The following PRDM16 variants were observed in gnomAD, a reference collection of about 807,000 sequenced individuals.
PRDM16 encodes the protein histone-lysine N-methyltransferase PRDM16.
PRDM16 carries 23 observed loss-of-function variants against 110.6 expected under a neutral mutation model. That is an observed-to-expected ratio of 0.21 (90% confidence interval 0.15 to 0.29). The LOEUF is 0.29. Among genes scored for constraint, PRDM16 ranks in the 10% least tolerant of loss-of-function variants. The pLI is 1.00. For missense variants in PRDM16, 1,615 were observed against 1,794.3 expected, an observed-to-expected ratio of 0.90 and a Z score of 1.81; for synonymous variants, 799 against 781.8, an observed-to-expected ratio of 1.02 and a Z score of -0.37.
intron 2 of PRDM16, among the ~76,000 whole-genome samples, chr1:3,237,739 C>A (rs974646782): frequency 6.6e-6 from 1 of 152,238 alleles, no homozygotes; most frequent in African/African-American, 2.4e-5. Context: ...CACTCACAGG[C>A]GGGGCTGCCA....
chr1:3,189,428 G>A (rs1014638101), intron 2 of PRDM16, among the ~76,000 whole-genome samples: 140 of 152,294 alleles, frequency 9.2e-4, no homozygotes, highest in African/African-American at 3.2e-3. Flanking sequence ...GTCAGGCCTG[G>A]GACAGAGAAA....
chr1:3,170,139 G>A, intron 1 of PRDM16, among the ~76,000 whole-genome samples: 1 of 152,250 alleles, frequency 6.6e-6, no homozygotes, highest in East Asian at 1.9e-4. Flanking sequence ...GCTGGGAAGG[G>A]TTAAGTTCTT....
At position 3,350,169 on chromosome 1, in the gene PRDM16, T is replaced by C. The variant is rs1294192245; in HGVS notation, c.439-34983T>C. On this transcript the variant is annotated intron_variant, in intron 3 of 16. Transcript: ENST00000270722. The surrounding 1 kb of genome is among the most constrained non-coding windows in gnomAD (Gnocchi z 7.1). The stretch of plus-strand genomic sequence containing the variant: ...AGCAAGACCCTATCTCTACAAAAAA[T>C]ACAAAAATTAGCCTGATGTGATGGC... 2.6e-5 allele frequency among the ~76,000 whole-genome samples: 4 copies of C among 152,030 alleles called. No homozygotes were observed. The highest frequency in any genetic ancestry group is 6.5e-5 in the Admixed American group (1 of 15,274).
intron 2 of PRDM16, among the ~76,000 whole-genome samples, chr1:3,195,125 G>A (rs1053488189): frequency 5.3e-5 from 8 of 152,308 alleles, no homozygotes; most frequent in East Asian, 3.9e-4. Flanking sequence ...GGAGAGAGAC[G>A]GGGCCCTGTG....
intron 3 of PRDM16, among the ~76,000 whole-genome samples, chr1:3,341,497 G>C (rs1642271340): frequency 6.6e-6 from 1 of 152,292 alleles, no homozygotes. Context: ...CGGCCAGCCT[G>C]GCTAGCGAGA....
At chr1:3,269,790 C>CCCGGAGGAGGACAG (rs1282869851) in intron 3 of PRDM16, among the ~76,000 whole-genome samples, 9 of 145,398 alleles carry the variant, frequency 6.2e-5, no homozygotes, top group African/African-American at 2.1e-4. Flanking sequence ...GGAGGAAAGT[C>CCCGGAGGAGGACAG]TCAGAGGAGG....
At chr1:3,342,044 G>A (rs971504318) in intron 3 of PRDM16, among the ~76,000 whole-genome samples, 5 of 152,308 alleles carry the variant, frequency 3.3e-5, no homozygotes, top group African/African-American at 1.2e-4. Context: ...CAGGTTGCTG[G>A]TGATCTTCCC....
At chr1:3,130,375 AAACACAACACCAGCCC>A (rs1335497308) in intron 1 of PRDM16, among the ~76,000 whole-genome samples, 2 of 152,142 alleles carry the variant, frequency 1.3e-5, no homozygotes, top group Non-Finnish European at 2.9e-5. Context: ...AACCCAAACC[AAACACAACACCAGCCC>A]TGGGGAGGCC....
In PRDM16 at chr1:3,106,089, C is replaced by G. The variant is rs568086174; in HGVS notation, c.37+36793C>G. Among the ~76,000 whole-genome samples, 4 of 150,246 alleles carry G rather than the reference C, an allele frequency of 2.7e-5. 1 individual carries two copies. Among genetic ancestry groups the G allele is most frequent in the South Asian group, 4.3e-4 (2 of 4,686 alleles). ...GGCAGGCTGGGGCCCGTCTCACCCT[C>G]GGCCTCAAAGGATGCCAGCCCAGCT... On this transcript the variant is annotated intron_variant, in intron 1 of 16. Coordinates refer to ENST00000270722, the MANE Select transcript of PRDM16 (RefSeq NM_022114.4).
intron 1 of PRDM16, among the ~76,000 whole-genome samples, chr1:3,142,814 AG>A (rs1422703426): frequency 3.3e-5 from 5 of 152,246 alleles, no homozygotes; most frequent in African/African-American, 9.6e-5. Context: ...GGGGTCCAGG[AG>A]GGGAAACTGA....
intron 3 of PRDM16, among the ~76,000 whole-genome samples, chr1:3,380,954 T>C (rs906421629): frequency 2.4e-4 from 36 of 152,172 alleles, no homozygotes; most frequent in African/African-American, 8.4e-4. Context: ...CAGCCATCAG[T>C]GGCCGGATCA....
intron 1 of PRDM16, among the ~76,000 whole-genome samples, chr1:3,097,512 A>T (rs1156890077): frequency 6.6e-6 from 1 of 152,168 alleles, no homozygotes; most frequent in African/African-American, 2.4e-5. Flanking sequence ...ACAGGCCAGA[A>T]GCCAGCACCA....
intron 1 of PRDM16, among the ~76,000 whole-genome samples, chr1:3,082,224 A>C (rs1314953259): frequency 6.6e-6 from 1 of 152,176 alleles, no homozygotes. Context: ...CTCTGCAGTC[A>C]GGTCCTGTGC....
At chr1:3,099,639 C>A (rs1642486663) in intron 1 of PRDM16, among the ~76,000 whole-genome samples, 1 of 152,162 alleles carries the variant, frequency 6.6e-6, no homozygotes, top group African/African-American at 2.4e-5. Context: ...CCAGCACGTG[C>A]CGAGTGCAGT....
At chr1:3,258,796 C>T (rs1014118594) in intron 3 of PRDM16, among the ~76,000 whole-genome samples, 19 of 152,194 alleles carry the variant, frequency 1.2e-4, no homozygotes, top group Non-Finnish European at 8.8e-5. Flanking sequence ...AAGGGGTGAG[C>T]GCGCGGCGGC....
At chr1:3,286,286 A>G (rs1640841192) in intron 3 of PRDM16, among the ~76,000 whole-genome samples, 1 of 152,230 alleles carries the variant, frequency 6.6e-6, no homozygotes, top group Non-Finnish European at 1.5e-5. Flanking sequence ...TAAAGTGGTC[A>G]GTGTTTGCGG....
chr1:3,127,670 A>T (rs1643237757), intron 1 of PRDM16, among the ~76,000 whole-genome samples: 1 of 152,226 alleles, frequency 6.6e-6, no homozygotes. Flanking sequence ...CAGTAGGACG[A>T]GGGTTGAGAG....
In PRDM16 at chr1:3,434,420, T is replaced by C; in HGVS notation, c.*609T>C. On this transcript the variant is annotated 3_prime_UTR_variant, in exon 17 of 17. Coordinates refer to ENST00000270722, the MANE Select transcript of PRDM16 (RefSeq NM_022114.4). The stretch of plus-strand genomic sequence containing the variant: ...CCCGAGTCTGCCTGGGAACCCGCAC[T>C]GTGCCTGGGTGTATTCTTTATACTG... The C allele has an allele frequency of 4.3e-6, 1 of 232,360 alleles. No individual in the cohort carries two copies. Among genetic ancestry groups the C allele is most frequent in the East Asian group, 6.1e-5 (1 of 16,404 alleles). 14.4% of individuals were successfully genotyped at this position (232,360 alleles called of 1,614,324 possible).
intron 3 of PRDM16, among the ~76,000 whole-genome samples, chr1:3,337,365 G>T (rs1250582016): frequency 6.6e-6 from 1 of 152,206 alleles, no homozygotes; most frequent in East Asian, 1.9e-4. Context: ...CATCCCCACC[G>T]CTTCCTCCAT....
Sources: allele counts gnomAD v4.1 joint callset (sites outside exome capture counted in the v4.1 genomes callset), GRCh38; gene constraint gnomAD v4.1.1; non-coding constraint Gnocchi (gnomAD v3.1); transcripts MANE v1.5; gene names NCBI Gene and HGNC (gene_info 2026-07-23, HGNC 2026-07-21).